ZNF587: variants seen among roughly 807,000 people sequenced by gnomAD.
The protein encoded by ZNF587 is zinc finger protein zfp6.
ZNF587 carries 8 observed loss-of-function variants against 7.5 expected under a neutral mutation model. The observed-to-expected ratio is 1.06, with a 90% CI of 0.62 to 1.92. The LOEUF (loss-of-function observed/expected upper bound fraction) is 1.92. ZNF587 is among the 40% of genes most tolerant of loss of function. The probability of loss-of-function intolerance (pLI) is 0.00; values close to 1 mark genes in which losing one functional copy is unlikely to be tolerated. For missense variants in ZNF587, 468 were observed against 692.8 expected, an observed-to-expected ratio of 0.68 and a Z score of 3.64; for synonymous variants, 145 against 237.8, an observed-to-expected ratio of 0.61 and a Z score of 3.59.
rs1464558902 is a variant in ZNF587 at position 57,849,865 on chromosome 19, G to A, written c.-174G>A. 1 of 1,482,356 alleles carries A rather than the reference G, an allele frequency of 6.7e-7. No homozygotes were observed. Among genetic ancestry groups the A allele is most frequent in the African/African-American group, 1.4e-5 (1 of 71,380 alleles). 91.8% of individuals were successfully genotyped at this position (1,482,356 alleles called of 1,614,324 possible). A position where few individuals can be genotyped will look rare whatever the true frequency, so the allele number is the denominator to read the frequency against. On this transcript the variant is annotated 5_prime_UTR_variant, in exon 1 of 3. Coordinates refer to ENST00000339656, the MANE Select transcript of ZNF587 (RefSeq NM_032828.4). ...CGAGACTTCCGGGGTCTCTAGTAGC[G>A]GCTGTGTATCGGCGATGCGGGTGTT...
chr19:57,853,222 G>T (rs908076427), intron 1 of ZNF587, among the ~76,000 whole-genome samples: 4 of 152,214 alleles, frequency 2.6e-5, no homozygotes, highest in Non-Finnish European at 4.4e-5. Flanking sequence ...CAAGGTTTTT[G>T]ATCTTAGCAG....
Position 57,860,515 on chromosome 19 carries a change from C to T in ZNF587, c.*375C>T. 1 of 278,020 alleles carries T rather than the reference C, an allele frequency of 3.6e-6. No individual in the cohort carries two copies. Among genetic ancestry groups the T allele is most frequent in the East Asian group, 8.8e-5 (1 of 11,326 alleles). The allele number at this position is 278,020 out of a possible 1,614,324, so 17.2% of individuals were successfully genotyped here. A position where few individuals can be genotyped will look rare whatever the true frequency, so the allele number is the denominator to read the frequency against. On this transcript the variant is annotated 3_prime_UTR_variant, in exon 3 of 3. Coordinates refer to ENST00000339656, the MANE Select transcript of ZNF587 (RefSeq NM_032828.4). Reference sequence around the variant, plus strand: ...AACTCCTGACCTCAAGTGATCCACCCACCTTGACTCCCAAAGTGCTGAAAT... The same window carrying T: ...AACTCCTGACCTCAAGTGATCCACCTACCTTGACTCCCAAAGTGCTGAAAT...
intron 2 of ZNF587, 84 bp downstream of exon 2, chr19:57,856,317 T>C: frequency 6.6e-7 from 1 of 1,522,518 alleles, no homozygotes; most frequent in East Asian, 2.3e-5. Context: ...CTTTCTCACC[T>C]AAGGAGCCTG....
At chr19:57,855,902 A>T (rs1164292034) in intron 1 of ZNF587, 1 of 878,240 alleles carries the variant, frequency 1.1e-6, no homozygotes, top group African/African-American at 1.7e-5. Flanking sequence ...CTCAGCATGG[A>T]TACCTATTTG....
intron 1 of ZNF587, among the ~76,000 whole-genome samples, chr19:57,855,206 G>A (rs2071336341): frequency 1.3e-5 from 2 of 151,838 alleles, no homozygotes; most frequent in African/African-American, 4.8e-5. Flanking sequence ...TTAGCCGAGT[G>A]TAGTGGTACA....
chr19:57,860,879 AC>A lies in ZNF587; in HGVS notation c.*740del, dbSNP rs1238927489. 6.6e-6 allele frequency: 1 copy of A among 152,128 alleles called. No homozygotes were observed. Among genetic ancestry groups the A allele is most frequent in the African/African-American group, 2.4e-5 (1 of 41,424 alleles). The allele number at this position is 152,128 out of a possible 1,614,324, so 9.4% of individuals were successfully genotyped here. On this transcript the variant is annotated 3_prime_UTR_variant, in exon 3 of 3. Coordinates refer to ENST00000339656, the MANE Select transcript of ZNF587 (RefSeq NM_032828.4). The stretch of plus-strand genomic sequence containing the variant: ...GATTAAAGTACAACTCTTTTTTGAG[AC>A]AGAGTCTCACTCTGTCACCCAGGCG...
chr19:57,850,019 G>A lies in ZNF587; in HGVS notation c.-20G>A, dbSNP rs777850179. On this transcript the variant is annotated 5_prime_UTR_variant, in exon 1 of 3. It adds an upstream start codon to the 5' untranslated region. Transcript: ENST00000339656. The stretch of plus-strand genomic sequence containing the variant: ...TGACGGCGACCACTGCTCCCGGGCC[G>A]TGCTTCCCCAAGTAGTCCGATGGCA... 10 of 1,614,078 alleles carry A rather than the reference G, an allele frequency of 6.2e-6. No individual in the cohort carries two copies. The Admixed American group carries it at 1.2e-4, about 19-fold the overall frequency.
chr19:57,862,959 CTT>C lies in ZNF587; in HGVS notation c.*2821_*2822del, dbSNP rs1019336133. On this transcript the variant is annotated 3_prime_UTR_variant, in exon 3 of 3. Transcript: ENST00000339656. ...TTCAAGCAAAGTTATTGAGTGGACACTTTGTGTTTTTTTTGAGAAGTCTCACT... is the reference window on the plus strand; with the variant it reads ...TTCAAGCAAAGTTATTGAGTGGACACTGTGTTTTTTTTGAGAAGTCTCACT... The C allele has an allele frequency of 2.6e-5, 4 of 154,662 alleles. No individual in the cohort carries two copies. Among genetic ancestry groups the C allele is most frequent in the African/African-American group, 9.6e-5 (4 of 41,502 alleles). 9.6% of individuals were successfully genotyped at this position (154,662 alleles called of 1,614,324 possible). A position where few individuals can be genotyped will look rare whatever the true frequency, so the allele number is the denominator to read the frequency against.
intron 1 of ZNF587, 62 bp from the exon 2 acceptor site, chr19:57,856,042 A>C: frequency 6.2e-7 from 1 of 1,603,338 alleles, no homozygotes; most frequent in Non-Finnish European, 8.5e-7. Context: ...GGTGTGTGGG[A>C]GAGGTGGGTT....
Position 57,860,359 on chromosome 19 carries a change from C to G in ZNF587, c.*219C>G, listed in dbSNP as rs888617272. On this transcript the variant is annotated 3_prime_UTR_variant, in exon 3 of 3. Transcript: ENST00000339656. ...TCTTGGCTCGCTGCAACTTGGGCCT[C>G]CTGGGTTCATGCAATCCTCCTACCT... 1.3e-4 allele frequency: 99 copies of G among 787,138 alleles called. No homozygotes were observed. Among genetic ancestry groups the G allele is most frequent in the Non-Finnish European group, 7.0e-5 (35 of 503,566 alleles). 48.8% of individuals were successfully genotyped at this position (787,138 alleles called of 1,614,324 possible).
At chr19:57,854,972 C>T (rs1458948939) in intron 1 of ZNF587, among the ~76,000 whole-genome samples, 4 of 151,040 alleles carry the variant, frequency 2.6e-5, no homozygotes, top group South Asian at 2.1e-4. Context: ...GTATGGAGAT[C>T]GAGACCATCC....
At chr19:57,850,729 A>G in intron 1 of ZNF587, 1 of 396,408 alleles carries the variant, frequency 2.5e-6, no homozygotes, top group Non-Finnish European at 4.4e-6. Flanking sequence ...GGCGGCCCAG[A>G]GCTCTTGGGC....
intron 1 of ZNF587, among the ~76,000 whole-genome samples, chr19:57,855,042 G>A (rs2071334037): frequency 6.6e-6 from 1 of 151,970 alleles, no homozygotes; most frequent in Non-Finnish European, 1.5e-5. Context: ...AAATTAGCCA[G>A]CTGTGGTGGT....
At chr19:57,850,316 G>C (rs2122295255) in intron 1 of ZNF587, 1 of 650,248 alleles carries the variant, frequency 1.5e-6, no homozygotes. Context: ...GAGCCGTCCT[G>C]CTGTTCGGGA....
chr19:57,855,110 G>A (rs2071335042), intron 1 of ZNF587, among the ~76,000 whole-genome samples: 1 of 152,022 alleles, frequency 6.6e-6, no homozygotes, highest in South Asian at 2.1e-4. Flanking sequence ...CCTGAACCTG[G>A]GAGGCAGAGC....
chr19:57,861,125 G>C lies in ZNF587; in HGVS notation c.*985G>C, dbSNP rs1369097300. The C allele has an allele frequency of 1.3e-5, 2 of 152,096 alleles. No homozygotes were observed. Among genetic ancestry groups the C allele is most frequent in the African/African-American group, 2.4e-5 (1 of 41,406 alleles). 9.4% of individuals were successfully genotyped at this position (152,096 alleles called of 1,614,324 possible). On this transcript the variant is annotated 3_prime_UTR_variant, in exon 3 of 3. Transcript: ENST00000339656. ...CTGCCTGCCTCAGCTTCTCAGGTGT[G>C]ACCTACTGTGCTTGGCCTAATGTAC...
rs745544543 is a variant in ZNF587 at position 57,860,166 on chromosome 19, G to A, written c.*26G>A. On this transcript the variant is annotated 3_prime_UTR_variant, in exon 3 of 3. Transcript: ENST00000339656. ...GTGCAGTGAATATGGGAAATCGTTT[G>A]CTGAAGCATCCCGTCTCGTTAAACA... The A allele has an allele frequency of 1.9e-6, 3 of 1,614,082 alleles. No homozygotes were observed. In the South Asian group the frequency reaches 3.3e-5, roughly 18 times the overall value.
Position 57,858,467 on chromosome 19 carries a change from G to T in ZNF587, c.164-109G>T, listed in dbSNP as rs549031217. 1.1e-4 allele frequency: 169 copies of T among 1,496,004 alleles called. 1 individual carries two copies. The Admixed American group carries it at 1.9e-3, about 17-fold the overall frequency. The allele number at this position is 1,496,004 out of a possible 1,614,324, so 92.7% of individuals were successfully genotyped here. Reference sequence around the variant, plus strand: ...AACTTGAAGCCAACATTGTGTTCCTGCAAATATTTCTATAGATTAATTCCT... The same window carrying T: ...AACTTGAAGCCAACATTGTGTTCCTTCAAATATTTCTATAGATTAATTCCT... On this transcript the variant is annotated intron_variant, in intron 2 of 2. Transcript: ENST00000339656.
intron 1 of ZNF587, chr19:57,850,473 T>C (rs535010827): frequency 5.9e-5 from 29 of 493,460 alleles, no homozygotes; most frequent in Non-Finnish European, 1.0e-4. Flanking sequence ...GAGTTTTTCA[T>C]GCTGTTTTCT....
Sources: gnomAD v4.1 joint callset for allele counts (sites outside exome capture counted in the v4.1 genomes callset) on GRCh38, gnomAD v4.1.1 for gene constraint, MANE v1.5 for transcripts, NCBI Gene and HGNC (gene_info 2026-07-23, HGNC 2026-07-21) for gene names.